LILRB3: variants seen among roughly 807,000 people sequenced by gnomAD.
LILRB3 encodes the protein leukocyte immunoglobulin-like receptor subfamily B member 3.
A neutral mutation model predicts 68.2 loss-of-function variants in LILRB3; 32 were observed. The observed-to-expected ratio is 0.47, with a 90% confidence interval of 0.35 to 0.63. The LOEUF (loss-of-function observed/expected upper bound fraction) is 0.63, where lower values mean the gene tolerates loss of function less well. Ranked by LOEUF, LILRB3 falls within the 30% of genes least tolerant of loss-of-function variation. The pLI, the probability that LILRB3 is intolerant of heterozygous loss-of-function variation, is 0.00. For missense variants in LILRB3, 502 were observed against 791.3 expected, an observed-to-expected ratio of 0.63 and a Z score of 4.39; for synonymous variants, 185 against 323.1, an observed-to-expected ratio of 0.57 and a Z score of 4.58.
intron 4 of LILRB3, chr19:54,221,584 C>T: frequency 6.8e-7 from 1 of 1,472,380 alleles, no homozygotes; most frequent in Non-Finnish European, 9.0e-7. Flanking sequence ...CTTTCCTCCT[C>T]TCCCTGAGAG....
At chr19:54,221,714 G>T in intron 4 of LILRB3, 114 bp downstream of exon 4, 1 of 1,579,074 alleles carries the variant, frequency 6.3e-7, no homozygotes, top group Non-Finnish European at 8.6e-7. Context: ...CATGCCTTCA[G>T]CCCGTCCTTC....
chr19:54,219,720 C>G lies in LILRB3; in HGVS notation c.1309+435G>C, dbSNP rs925651951. 4.1e-6 allele frequency: 6 copies of G among 1,478,588 alleles called. No individual in the cohort carries two copies. In the Admixed American group the frequency reaches 1.3e-4, roughly 31 times the overall value. The allele number at this position is 1,478,588 out of a possible 1,614,324, so 91.6% of individuals were successfully genotyped here. On this transcript the variant is annotated intron_variant, in intron 7 of 12. Transcript: ENST00000445347. ...GAAAGGAACTTTCCCACCCACAGGC[C>G]TCTCTCCTTTACACTTGGAGAAACT...
intron 11 of LILRB3, chr19:54,217,789 T>A (rs2077637501): frequency 1.7e-6 from 1 of 575,280 alleles, no homozygotes; most frequent in African/African-American, 1.9e-5. Context: ...CCCCACTCTG[T>A]CCAGGCTTCT....
At chr19:54,218,609 T>C in intron 10 of LILRB3, 36 bp downstream of exon 10, 2 of 1,614,126 alleles carry the variant, frequency 1.2e-6, no homozygotes, top group Non-Finnish European at 8.5e-7. Context: ...CTCCTGTCTC[T>C]CCAGCACCCC....
intron 10 of LILRB3, 40 bp downstream of exon 10, chr19:54,218,605 T>C (rs367932667): frequency 3.1e-6 from 5 of 1,613,998 alleles, no homozygotes; most frequent in Middle Eastern, 3.3e-4. Context: ...GGGACTCCTG[T>C]CTCTCCAGCA....
At chr19:54,216,730 C>T (rs1048500970) in exon 13 of LILRB3, 1 of 1,139,102 alleles carries the variant, frequency 8.8e-7, no homozygotes, top group Non-Finnish European at 1.1e-6. Context: ...GTCACACAGG[C>T]TGGAGTGCAG....
At chr19:54,216,600 G>A (rs751656766) in exon 13 of LILRB3, 6 of 1,005,624 alleles carry the variant, frequency 6.0e-6, no homozygotes, top group South Asian at 4.1e-5. Flanking sequence ...GTGAGCCACC[G>A]CGCCCGGCCT....
At chr19:54,217,056 T>C (rs778053764) in exon 13 of LILRB3, 75 of 1,613,962 alleles carry the variant, frequency 4.6e-5, no homozygotes, top group Admixed American at 1.2e-4. Flanking sequence ...GTCCTGAGTC[T>C]CCTTCTGCTG....
At chr19:54,216,417 C>G (rs1169450248) in exon 13 of LILRB3, 1 of 156,374 alleles carries the variant, frequency 6.4e-6, no homozygotes, top group Non-Finnish European at 1.4e-5. Context: ...TCATGCCATT[C>G]TCCTGCCTCA....
chr19:54,221,643 C>A (rs369824), intron 4 of LILRB3, 185 bp downstream of exon 4: 1 of 1,579,184 alleles, frequency 6.3e-7, no homozygotes, highest in Non-Finnish European at 8.6e-7. Context: ...TCCTCCCCTT[C>A]CAGGTGAACG....
At chr19:54,217,862 C>T (rs1005191721) in intron 11 of LILRB3, among the ~76,000 whole-genome samples, 7 of 152,232 alleles carry the variant, frequency 4.6e-5, no homozygotes, top group East Asian at 3.9e-4. Context: ...GCCCCACACT[C>T]TCTGCCCTTT....
At chr19:54,218,371 A>C (rs930161098) in exon 11 of LILRB3, 23 of 1,614,142 alleles carry the variant, frequency 1.4e-5, no homozygotes, top group Non-Finnish European at 1.9e-5. Context: ...CTGACTGTCC[A>C]GCTCCACCCT....
intron 11 of LILRB3, among the ~76,000 whole-genome samples, chr19:54,218,041 C>A (rs955078101): frequency 7.0e-6 from 1 of 143,792 alleles, no homozygotes; most frequent in Non-Finnish European, 1.5e-5. Flanking sequence ...TGGGAACACT[C>A]GCTGGATGAA....
At position 54,218,359 on chromosome 19, in the gene LILRB3, AC is replaced by A; in HGVS notation, c.1593+1del. On this transcript the variant is annotated splice_donor_variant, in intron 11 of 12. Transcript: ENST00000445347. LOFTEE classifies it high-confidence loss of function. ...GGTGCCTGGGACGGGGCGGGATCTC[AC>A]CTGACTGTCCAGCTCCACCCTGTCC... 6.2e-7 allele frequency: 1 copy of A among 1,614,018 alleles called. No homozygotes were observed. Among genetic ancestry groups the A allele is most frequent in the South Asian group, 1.1e-5 (1 of 91,074 alleles).
intron 7 of LILRB3, 26 bp from the exon 8 acceptor site, chr19:54,219,271 G>A: frequency 6.5e-7 from 1 of 1,528,118 alleles, no homozygotes; most frequent in Non-Finnish European, 8.8e-7. Context: ...TCAGGAGTGG[G>A]AATGATGTCA....
chr19:54,219,534 G>T (rs1442090276), intron 7 of LILRB3: 2 of 1,550,392 alleles, frequency 1.3e-6, no homozygotes, highest in East Asian at 4.9e-5. Context: ...GAGCTGCAGG[G>T]AAAGAGCCTG....
chr19:54,216,402 C>T lies in LILRB3; in HGVS notation c.*691G>A, dbSNP rs183970686. The T allele has an allele frequency of 8.0e-4, 123 of 153,096 alleles. 1 individual carries two copies. In the Middle Eastern group the frequency reaches 0.01, roughly 13 times the overall value. 9.5% of individuals were successfully genotyped at this position (153,096 alleles called of 1,614,324 possible). A position where few individuals can be genotyped will look rare whatever the true frequency, so the allele number is the denominator to read the frequency against. ...TCAGCTCACTGCAAGCTCTGCCTCC[C>T]GGGCTCATGCCATTCTCCTGCCTCA... On this transcript the variant is annotated 3_prime_UTR_variant, in exon 13 of 13. Transcript: ENST00000445347.
In LILRB3 at chr19:54,219,973, C is replaced by T. The variant is rs564724905; in HGVS notation, c.1309+182G>A. Reference sequence around the variant, plus strand: ...GGGCTGTCTTGCCCCCCACATCAGCCCGGCTCCTCCTCCTGGCTGGGCCCC... The same window carrying T: ...GGGCTGTCTTGCCCCCCACATCAGCTCGGCTCCTCCTCCTGGCTGGGCCCC... On this transcript the variant is annotated intron_variant, in intron 7 of 12. Transcript: ENST00000445347. 102 of 1,289,868 alleles carry T rather than the reference C, an allele frequency of 7.9e-5. 16 individuals carry two copies. The South Asian group carries it at 1.2e-3, about 15-fold the overall frequency. The allele number at this position is 1,289,868 out of a possible 1,614,324, so 79.9% of individuals were successfully genotyped here.
chr19:54,222,308 G>C (rs1314430108), exon 3 of LILRB3: 3 of 1,610,132 alleles, frequency 1.9e-6, no homozygotes, highest in African/African-American at 2.7e-5. Flanking sequence ...GGGTCGCTGG[G>C]CTCTGACCAG....
Sources: allele counts gnomAD v4.1 joint callset (sites outside exome capture counted in the v4.1 genomes callset), GRCh38; gene constraint gnomAD v4.1.1; transcripts MANE v1.5; gene names NCBI Gene and HGNC (gene_info 2026-07-23, HGNC 2026-07-21).